PLEKHO2: variants seen among roughly 807,000 people sequenced by gnomAD.
PLEKHO2 encodes the protein pleckstrin homology domain-containing family O member 2.
Under a neutral mutation model 32.7 loss-of-function variants are expected in PLEKHO2, and 20 were observed. The ratio of observed to expected loss-of-function variants is 0.61; its 90% CI spans 0.43 to 0.89. PLEKHO2 has a LOEUF of 0.89. PLEKHO2 is among the 40% of genes least tolerant of loss of function. The probability of loss-of-function intolerance (pLI) is 0.00; values close to 1 mark genes in which losing one functional copy is unlikely to be tolerated. For synonymous variants in PLEKHO2, 247 were observed against 246.3 expected (o/e 1.00, Z -0.03); for missense variants, 568 against 621.2 (o/e 0.91, Z 0.91).
At chr15:64,850,906 A>G (rs976573346) in intron 2 of PLEKHO2, among the ~76,000 whole-genome samples, 1 of 152,254 alleles carries the variant, frequency 6.6e-6, no homozygotes, top group African/African-American at 2.4e-5. Context: ...TGCCTTTGAC[A>G]AATGAAATAC....
intron 2 of PLEKHO2, among the ~76,000 whole-genome samples, chr15:64,849,813 A>C (rs1425373449): frequency 6.7e-6 from 1 of 149,208 alleles, no homozygotes; most frequent in East Asian, 2.0e-4. Context: ...GTTCCATATG[A>C]GTGAATGTTA....
chr15:64,857,816 A>G (rs1409413803), intron 3 of PLEKHO2, among the ~76,000 whole-genome samples: 1 of 152,198 alleles, frequency 6.6e-6, no homozygotes, highest in Non-Finnish European at 1.5e-5. Context: ...GGCTGGGTCC[A>G]GTGGTTCTGT....
intron 1 of PLEKHO2, among the ~76,000 whole-genome samples, chr15:64,844,636 T>G (rs774178892): frequency 4.6e-5 from 7 of 151,942 alleles, no homozygotes; most frequent in Non-Finnish European, 8.8e-5. Flanking sequence ...TCCCACGGAG[T>G]AATCTCTTGC....
intron 3 of PLEKHO2, among the ~76,000 whole-genome samples, chr15:64,858,347 C>T (rs1276453427): frequency 1.3e-5 from 2 of 152,220 alleles, no homozygotes; most frequent in Non-Finnish European, 1.5e-5. Flanking sequence ...AGGCCGACCT[C>T]GGTGTTACAT....
intron 5 of PLEKHO2, 72 bp from the exon 6 acceptor site, chr15:64,864,827 C>T (rs897234849): frequency 8.7e-6 from 13 of 1,494,606 alleles, no homozygotes; most frequent in South Asian, 2.6e-5. Flanking sequence ...GGTAAGAACT[C>T]GTGTCAGTGG....
intron 2 of PLEKHO2, among the ~76,000 whole-genome samples, chr15:64,852,178 T>C (rs997279322): frequency 6.6e-6 from 1 of 152,108 alleles, no homozygotes; most frequent in African/African-American, 2.4e-5. Context: ...GTTTTGTAGA[T>C]GTTTGCATCC....
At chr15:64,860,024 C>T (rs746876433) in intron 4 of PLEKHO2, 26 bp downstream of exon 4, 9 of 1,591,828 alleles carry the variant, frequency 5.7e-6, no homozygotes, top group Admixed American at 1.7e-5. Flanking sequence ...TGGACATGGA[C>T]AGCTCTGTGT....
intron 2 of PLEKHO2, among the ~76,000 whole-genome samples, chr15:64,851,834 G>C (rs2084572034): frequency 6.6e-6 from 1 of 152,052 alleles, no homozygotes; most frequent in South Asian, 2.1e-4. Context: ...GGCCAGTGGC[G>C]GTCCAGTTAG....
chr15:64,853,993 C>A (rs73469152), intron 2 of PLEKHO2, among the ~76,000 whole-genome samples: 1 of 152,178 alleles, frequency 6.6e-6, no homozygotes, highest in East Asian at 1.9e-4. Flanking sequence ...GTACCCTCCC[C>A]CACCAAAGGA....
intron 1 of PLEKHO2, among the ~76,000 whole-genome samples, chr15:64,845,738 C>G (rs1485945303): frequency 6.6e-6 from 1 of 152,164 alleles, no homozygotes; most frequent in Non-Finnish European, 1.5e-5. Flanking sequence ...CTACATCAGC[C>G]CAGAAGTGAC....
chr15:64,860,823 T>C (rs2084635930), intron 4 of PLEKHO2, among the ~76,000 whole-genome samples: 1 of 152,176 alleles, frequency 6.6e-6, no homozygotes, highest in South Asian at 2.1e-4. Context: ...ATAGGAGCCA[T>C]GGGCTGGGCC....
At chr15:64,859,865 G>C (rs1436953161) in intron 3 of PLEKHO2, 29 bp from the exon 4 acceptor site, 1 of 1,577,400 alleles carries the variant, frequency 6.3e-7, no homozygotes, top group Non-Finnish European at 8.7e-7. Flanking sequence ...TTAAACATCT[G>C]CCATCTACTC....
chr15:64,844,302 G>A (rs972391557), intron 1 of PLEKHO2, among the ~76,000 whole-genome samples: 4 of 152,210 alleles, frequency 2.6e-5, no homozygotes, highest in Non-Finnish European at 4.4e-5. Flanking sequence ...GCTGAGGCTT[G>A]GGGAGGAGAT....
intron 2 of PLEKHO2, among the ~76,000 whole-genome samples, chr15:64,849,724 T>A (rs1288826772): frequency 6.6e-6 from 1 of 150,492 alleles, no homozygotes; most frequent in East Asian, 2.0e-4. Flanking sequence ...ATTACAGGCG[T>A]GAGCCTGCGT....
rs1179608979 is a variant in PLEKHO2 at position 64,861,429 on chromosome 15, C to T, written c.385-48C>T. ...CCAGGTCCGCCCTGGCTACTTCCCA[C>T]ACTCCCCAAGGCTTGGCAGGGGCTG... On this transcript the variant is annotated intron_variant, in intron 4 of 5. Transcript: ENST00000323544. 2.1e-6 allele frequency: 3 copies of T among 1,456,396 alleles called. No individual in the cohort carries two copies. In the South Asian group the frequency reaches 3.8e-5, roughly 19 times the overall value. 90.2% of individuals were successfully genotyped at this position (1,456,396 alleles called of 1,614,324 possible). A position where few individuals can be genotyped will look rare whatever the true frequency, so the allele number is the denominator to read the frequency against.
At position 64,865,139 on chromosome 15, in the gene PLEKHO2, C is replaced by T. The variant is rs1407765782; in HGVS notation, c.724C>T (p.Pro242Ser). 9 of 1,613,988 alleles carry T rather than the reference C, an allele frequency of 5.6e-6. No individual in the cohort carries two copies. The highest frequency in any genetic ancestry group is 1.3e-5 in the African/African-American group (1 of 74,918). The change falls in exon 6 of 6, where the codon CCT (proline) becomes TCT (serine). Residue 242 changes from proline to serine, a missense_variant. Physicochemically the swap from Pro to Ser is moderately conservative, Grantham distance 74. Coordinates refer to ENST00000323544, the MANE Select transcript of PLEKHO2 (RefSeq NM_025201.5). Reference protein sequence around the residue: ...TPVSASSEVSPESQEDSETPA... With the variant: ...TPVSASSEVSSESQEDSETPA... Reference sequence around the variant, plus strand: ...TGTCTCAGCAAGCTCTGAGGTCTCCCCTGAGAGCCAAGAGGACTCAGAGAC... The same window carrying T: ...TGTCTCAGCAAGCTCTGAGGTCTCCTCTGAGAGCCAAGAGGACTCAGAGAC...
In PLEKHO2 at chr15:64,867,859, G is replaced by A. The variant is rs1320867019; in HGVS notation, c.*1971G>A. 6.6e-6 allele frequency: 1 copy of A among 152,284 alleles called. No individual in the cohort carries two copies. Among genetic ancestry groups the A allele is most frequent in the Non-Finnish European group, 1.5e-5 (1 of 68,066 alleles). The allele number at this position is 152,284 out of a possible 1,614,324, so 9.4% of individuals were successfully genotyped here. On this transcript the variant is annotated 3_prime_UTR_variant, in exon 6 of 6. Coordinates refer to ENST00000323544, the MANE Select transcript of PLEKHO2 (RefSeq NM_025201.5). ...CAGGAAGCTGGCTTCTGGGAGAGGA[G>A]TGAGAACGTGCAGGGCCTGCCTAGC...
In PLEKHO2 at chr15:64,866,558, T is replaced by C. The variant is rs2084689897; in HGVS notation, c.*670T>C. 5.5e-6 allele frequency: 2 copies of C among 361,264 alleles called. No individual in the cohort carries two copies. The highest frequency in any genetic ancestry group is 3.5e-5 in the Admixed American group (1 of 28,606). 22.4% of individuals were successfully genotyped at this position (361,264 alleles called of 1,614,324 possible). A position where few individuals can be genotyped will look rare whatever the true frequency, so the allele number is the denominator to read the frequency against. On this transcript the variant is annotated 3_prime_UTR_variant, in exon 6 of 6. Coordinates refer to ENST00000323544, the MANE Select transcript of PLEKHO2 (RefSeq NM_025201.5). Reference sequence around the variant, plus strand: ...CCTTTTTTGCAAAACAAGGACATTTTCTGCAGCCCCTTCCTCTCAGTGAGC... The same window carrying C: ...CCTTTTTTGCAAAACAAGGACATTTCCTGCAGCCCCTTCCTCTCAGTGAGC...
intron 5 of PLEKHO2, among the ~76,000 whole-genome samples, chr15:64,862,929 C>A (rs562302016): frequency 2.7e-5 from 4 of 148,508 alleles, no homozygotes; most frequent in Non-Finnish European, 5.9e-5. Context: ...CCTCCCCTCT[C>A]CCCCCACCTC....
Sources: gnomAD v4.1 joint callset for allele counts (sites outside exome capture counted in the v4.1 genomes callset) on GRCh38, gnomAD v4.1.1 for gene constraint, MANE v1.5 for transcripts, NCBI Gene and HGNC (gene_info 2026-07-23, HGNC 2026-07-21) for gene names.